Variants in TLN2 observed in about 807,000 individuals in gnomAD.
TLN2 encodes talin 2.
Under a neutral mutation model 294.7 loss-of-function variants are expected in TLN2, and 118 were observed. That is an observed-to-expected ratio of 0.40 (90% CI 0.34 to 0.47). The LOEUF (loss-of-function observed/expected upper bound fraction) is 0.47, where lower values mean the gene tolerates loss of function less well. TLN2 is among the 20% of genes least tolerant of loss of function. The pLI is 0.84. For synonymous variants in TLN2, 1,431 were observed against 1,304.5 expected (o/e 1.10, Z -2.09); for missense variants, 3,083 against 3,282.2 (o/e 0.94, Z 1.48).
intron 1 of TLN2, among the ~76,000 whole-genome samples, chr15:62,462,390 C>T (rs912486137): frequency 6.6e-6 from 1 of 152,220 alleles, no homozygotes; most frequent in African/African-American, 2.4e-5. Flanking sequence ...TGGCCCCCTG[C>T]CTGGGTCTTC....
rs1376323049 is a variant in TLN2, at chr15:62,843,218, C to T, written c.*2608C>T. The T allele has an allele frequency of 6.6e-6, 1 of 152,212 alleles. No individual in the cohort carries two copies. The highest frequency in any genetic ancestry group is 1.5e-5 in the Non-Finnish European group (1 of 68,050). The allele number at this position is 152,212 out of a possible 1,614,324, so 9.4% of individuals were successfully genotyped here. ...TGGTTCTTCTCACACCCCTCTACTC[C>T]TCGAGGGCTTTGAATCCTTGGGCTG... is the stretch of plus-strand genomic sequence containing the variant. On this transcript the variant is annotated 3_prime_UTR_variant, in exon 59 of 59. Coordinates refer to ENST00000636159, the MANE Select transcript of TLN2 (RefSeq NM_015059.3).
chr15:62,807,646 G>C (rs1360091398), intron 51 of TLN2, among the ~76,000 whole-genome samples: 1 of 152,194 alleles, frequency 6.6e-6, no homozygotes, highest in East Asian at 1.9e-4. Context: ...CCTAACGTGT[G>C]CTCCCCTGTT....
At chr15:62,641,704 A>G (rs2051131209) in intron 3 of TLN2, among the ~76,000 whole-genome samples, 1 of 152,148 alleles carries the variant, frequency 6.6e-6, no homozygotes, top group South Asian at 2.1e-4. Context: ...TTAATTCTCT[A>G]GCGATCTTAT....
chr15:62,777,644 G>A (rs1048211211), intron 43 of TLN2, among the ~76,000 whole-genome samples: 6 of 151,962 alleles, frequency 3.9e-5, no homozygotes, highest in African/African-American at 1.5e-4. Context: ...CACTCAATTG[G>A]GTTACATTTT....
intron 2 of TLN2, among the ~76,000 whole-genome samples, chr15:62,596,252 A>G (rs1373140900): frequency 6.0e-5 from 8 of 132,938 alleles, no homozygotes; most frequent in Non-Finnish European, 9.7e-5. Flanking sequence ...GCGACAGAGC[A>G]AGACTCCATC....
chr15:62,780,717 T>G (rs2064091728), intron 43 of TLN2, among the ~76,000 whole-genome samples: 1 of 152,222 alleles, frequency 6.6e-6, no homozygotes, highest in Non-Finnish European at 1.5e-5. Flanking sequence ...AGGAAGTGCT[T>G]CCTGATGGAG....
intron 3 of TLN2, among the ~76,000 whole-genome samples, chr15:62,623,331 AT>A: frequency 6.6e-6 from 1 of 152,348 alleles, no homozygotes; most frequent in Admixed American, 6.5e-5. Flanking sequence ...GCAGGAAATC[AT>A]TTGTTCTATT....
At chr15:62,534,037 G>C (rs564774356) in intron 1 of TLN2, among the ~76,000 whole-genome samples, 1 of 151,186 alleles carries the variant, frequency 6.6e-6, no homozygotes, top group Non-Finnish European at 1.5e-5. Flanking sequence ...GTCACCAGGG[G>C]TTACAATGTG....
chr15:62,564,029 G>A (rs999217776), intron 1 of TLN2, among the ~76,000 whole-genome samples: 2 of 152,188 alleles, frequency 1.3e-5, no homozygotes, highest in African/African-American at 4.8e-5. Context: ...TAAGTTATTT[G>A]ATAAGGGGCA....
chr15:62,582,045 GA>G (rs112327795), intron 1 of TLN2, among the ~76,000 whole-genome samples: 60 of 140,594 alleles, frequency 4.3e-4, no homozygotes, highest in African/African-American at 4.5e-4. Context: ...ACTCTGTCTA[GA>G]AAAAAAAAAA....
chr15:62,735,062 G>A (rs140892594), intron 28 of TLN2, among the ~76,000 whole-genome samples: 4 of 152,296 alleles, frequency 2.6e-5, no homozygotes, highest in African/African-American at 7.2e-5. Context: ...TAACAGAAAG[G>A]GCTCATAGTT....
intron 5 of TLN2, among the ~76,000 whole-genome samples, chr15:62,651,559 C>T (rs1014385363): frequency 5.3e-5 from 8 of 152,126 alleles, no homozygotes; most frequent in African/African-American, 1.4e-4. Context: ...ATTTTAATTA[C>T]TGGTCAAAAC....
chr15:62,761,934 T>A, intron 38 of TLN2, 113 bp downstream of exon 38: 2 of 1,391,778 alleles, frequency 1.4e-6, no homozygotes, highest in South Asian at 1.3e-5. Flanking sequence ...TGTAGGCTAC[T>A]GTTACTCTTG....
At chr15:62,740,859 A>G in intron 32 of TLN2, 90 bp downstream of exon 32, 1 of 1,555,306 alleles carries the variant, frequency 6.4e-7, no homozygotes, top group South Asian at 1.2e-5. Context: ...ACTTTTGCTG[A>G]GCAAAAGAAT....
chr15:62,780,308 A>T (rs973228181), intron 43 of TLN2, among the ~76,000 whole-genome samples: 10 of 152,204 alleles, frequency 6.6e-5, no homozygotes, highest in African/African-American at 2.4e-4. Flanking sequence ...TATCATCTTT[A>T]TCATCAGCAT....
rs1261852964 is a variant in TLN2 at position 62,707,234 on chromosome 15, A to G, written c.2153A>G (p.Gln718Arg). The G allele has an allele frequency of 6.2e-7, 1 of 1,612,126 alleles. No individual in the cohort carries two copies. The highest frequency in any genetic ancestry group is 1.1e-5 in the South Asian group (1 of 90,770). The change falls in exon 20 of 59, where the codon CAG becomes CGG. Residue 718 changes from glutamine to arginine, a missense_variant. Coordinates refer to ENST00000636159, the MANE Select transcript of TLN2 (RefSeq NM_015059.3). Reference protein sequence around the residue: ...AATQCALSTSQLVACAKVVSP... With the variant: ...AATQCALSTSRLVACAKVVSP... ...ACCCAGTGTGCCCTCTCCACCTCCCAGCTTGTGGCATGTGCCAAGGTAAGC... is the reference window on the plus strand; with the variant it reads ...ACCCAGTGTGCCCTCTCCACCTCCCGGCTTGTGGCATGTGCCAAGGTAAGC...
chr15:62,624,246 A>G (rs1044600567), intron 3 of TLN2, among the ~76,000 whole-genome samples: 1 of 152,166 alleles, frequency 6.6e-6, no homozygotes, highest in African/African-American at 2.4e-5. Flanking sequence ...ACATTTTTTC[A>G]TATTTGTACC....
chr15:62,653,114 G>C (rs2052785377), intron 6 of TLN2, 48 bp from the exon 7 acceptor site: 1 of 1,450,348 alleles, frequency 6.9e-7, no homozygotes. Flanking sequence ...GGAAGAGGTT[G>C]ACAGCAGTTT....
At chr15:62,657,043 T>C (rs1416335561) in intron 8 of TLN2, among the ~76,000 whole-genome samples, 1 of 151,562 alleles carries the variant, frequency 6.6e-6, no homozygotes, top group Non-Finnish European at 1.5e-5. Context: ...AGGAGAGAGA[T>C]AGCAGGGCAG....
Sources: allele counts gnomAD v4.1 joint callset (sites outside exome capture counted in the v4.1 genomes callset), GRCh38; gene constraint gnomAD v4.1.1; transcripts MANE v1.5; gene names NCBI Gene and HGNC (gene_info 2026-07-23, HGNC 2026-07-21).